The following CAST variants were observed in gnomAD, a reference collection of about 807,000 sequenced individuals.
CAST encodes the protein MIR583 host.
In CAST, 76 loss-of-function variants were observed where a neutral mutation model predicts 119.6. The ratio of observed to expected loss-of-function variants is 0.64; its 90% CI spans 0.53 to 0.77. The LOEUF (loss-of-function observed/expected upper bound fraction) is 0.77, where lower values mean the gene tolerates loss of function less well. Ranked by LOEUF, CAST falls within the 30% of genes least tolerant of loss-of-function variation. The pLI is 0.00. For missense variants in CAST, 953 were observed against 946.5 expected, an observed-to-expected ratio of 1.01 and a Z score of -0.09; for synonymous variants, 319 against 331.6, an observed-to-expected ratio of 0.96 and a Z score of 0.41.
chr5:96,403,898 T>G, the CAST span, among the ~76,000 whole-genome samples: 24 of 152,358 alleles, frequency 1.6e-4, no homozygotes, highest in African/African-American at 4.6e-4. Flanking sequence ...CTCCAGGTTT[T>G]AATAAGACCA....
intron 1 of CAST, among the ~76,000 whole-genome samples, chr5:96,671,626 G>A (rs1383838907): frequency 6.6e-6 from 1 of 152,208 alleles, no homozygotes; most frequent in Non-Finnish European, 1.5e-5. Context: ...AGACCACATA[G>A]GAGATGCCTG....
chr5:96,094,535 C>T, the CAST span, among the ~76,000 whole-genome samples: 60 of 151,842 alleles, frequency 4.0e-4, 1 homozygote, highest in Admixed American at 2.7e-3. Flanking sequence ...AGCTGTGCTG[C>T]GAGTCTTTCT....
chr5:96,771,463 G>C, intron 30 of CAST, among the ~76,000 whole-genome samples, 181 bp from the exon 31 acceptor site: 1 of 152,064 alleles, frequency 6.6e-6, no homozygotes, highest in Middle Eastern at 3.2e-3. Flanking sequence ...GTTATTTTTA[G>C]CTTATAAGCT....
At chr5:96,487,028 C>T in the CAST span, among the ~76,000 whole-genome samples, 23,825 of 151,584 alleles carry the variant, frequency 0.16, 2,019 homozygotes, top group African/African-American at 0.2. Context: ...TGGGAGTAGA[C>T]TCCTTCCCCC....
chr5:96,443,206 A>G, the CAST span, among the ~76,000 whole-genome samples: 1 of 152,242 alleles, frequency 6.6e-6, no homozygotes, highest in Non-Finnish European at 1.5e-5. Context: ...CCTCTCACCA[A>G]GAGTAAAATA....
At chr5:96,121,276 T>G in the CAST span, among the ~76,000 whole-genome samples, 5 of 152,164 alleles carry the variant, frequency 3.3e-5, no homozygotes, top group African/African-American at 1.2e-4. Flanking sequence ...TTTATTTGAC[T>G]TATATTCTTA....
chr5:96,257,617 A>G, the CAST span, among the ~76,000 whole-genome samples: 1 of 152,218 alleles, frequency 6.6e-6, no homozygotes, highest in African/African-American at 2.4e-5. Context: ...CATTCTCATG[A>G]GCCTTCTCCT....
chr5:96,759,836 A>G (rs1190856548), intron 24 of CAST, among the ~76,000 whole-genome samples: 1 of 151,986 alleles, frequency 6.6e-6, no homozygotes, highest in Non-Finnish European at 1.5e-5. Flanking sequence ...AAAACTGATA[A>G]ATAGAGAAAA....
chr5:96,687,029 A>G (rs1752160946), intron 2 of CAST, among the ~76,000 whole-genome samples: 1 of 152,190 alleles, frequency 6.6e-6, no homozygotes, highest in Non-Finnish European at 1.5e-5. Flanking sequence ...TTAGCTCCAA[A>G]TATAATGAAG....
chr5:96,495,247 T>C, the CAST span, among the ~76,000 whole-genome samples: 1 of 151,968 alleles, frequency 6.6e-6, no homozygotes, highest in African/African-American at 2.4e-5. Context: ...AGATCAACTG[T>C]TTTTTGTTTT....
intron 1 of CAST, among the ~76,000 whole-genome samples, chr5:96,561,786 G>GTTTTTTTTTTTTTTTT (rs1554067776): frequency 1.9e-5 from 2 of 105,432 alleles, no homozygotes; most frequent in African/African-American, 3.5e-5. Context: ...TTATATATAT[G>GTTTTTTTTTTTTTTTT]TTTTTTTTTG....
At chr5:96,264,787 G>A in the CAST span, among the ~76,000 whole-genome samples, 1,235 of 152,288 alleles carry the variant, frequency 8.1e-3, 22 homozygotes, top group African/African-American at 0.027. Context: ...GGAATCTCAC[G>A]TGTATATGCT....
the CAST span, among the ~76,000 whole-genome samples, chr5:96,069,355 A>G: frequency 8.2e-4 from 116 of 141,686 alleles, no homozygotes; most frequent in African/African-American, 1.8e-3. Flanking sequence ...GTGTGTATGT[A>G]TGTGTGTGTG....
intron 24 of CAST, chr5:96,761,107 T>C (rs1258982681): frequency 3.9e-5 from 6 of 152,152 alleles, no homozygotes; most frequent in Admixed American, 2.6e-4. Flanking sequence ...AATCATTATT[T>C]TATGCTTTTG....
At chr5:96,532,981 T>C (rs936098991) in intron 1 of CAST, among the ~76,000 whole-genome samples, 6 of 151,246 alleles carry the variant, frequency 4.0e-5, no homozygotes, top group African/African-American at 1.5e-4. Flanking sequence ...GCCATGATTG[T>C]GCCACTGCAC....
At chr5:96,542,107 G>GT (rs1009126062) in intron 1 of CAST, among the ~76,000 whole-genome samples, 3 of 152,052 alleles carry the variant, frequency 2.0e-5, no homozygotes, top group African/African-American at 7.2e-5. Flanking sequence ...TCAGGAGATC[G>GT]AGACCATCCT....
chr5:96,770,349 C>T lies in CAST; in HGVS notation c.2269-182C>T, dbSNP rs184033733. ...CTCCTTATTTCTATCCTTTTTCCCT[C>T]CTGCTTTAAACAATTCTCTGACACC... is the stretch of plus-strand genomic sequence containing the variant. On this transcript the variant is annotated intron_variant, in intron 29 of 31. Coordinates refer to ENST00000675179, the MANE Select transcript of CAST (RefSeq NM_001750.7). 9.3e-4 allele frequency: 516 copies of T among 555,184 alleles called. 6 individuals carry two copies. The highest frequency in any genetic ancestry group is 8.9e-3 in the African/African-American group (472 of 53,082). 34.4% of individuals were successfully genotyped at this position (555,184 alleles called of 1,614,324 possible). A position where few individuals can be genotyped will look rare whatever the true frequency, so the allele number is the denominator to read the frequency against.
the CAST span, among the ~76,000 whole-genome samples, chr5:96,464,226 T>C: frequency 5.9e-5 from 9 of 152,188 alleles, no homozygotes; most frequent in African/African-American, 2.2e-4. Context: ...AAACATGCTA[T>C]CTAGCTTTTT....
intron 1 of CAST, among the ~76,000 whole-genome samples, chr5:96,666,834 G>A (rs1749402725): frequency 6.6e-6 from 1 of 152,118 alleles, no homozygotes; most frequent in Non-Finnish European, 1.5e-5. Flanking sequence ...GGAACAGTGG[G>A]GGGTCATGTG....
Sources: gnomAD v4.1 joint callset for allele counts (sites outside exome capture counted in the v4.1 genomes callset) on GRCh38, gnomAD v4.1.1 for gene constraint, MANE v1.5 for transcripts, NCBI Gene and HGNC (gene_info 2026-07-23, HGNC 2026-07-21) for gene names.